PPP2R2B: variants seen among roughly 807,000 people sequenced by gnomAD.
PPP2R2B encodes serine/threonine-protein phosphatase 2A 55 kDa regulatory subunit B beta isoform.
A neutral mutation model predicts 46.0 loss-of-function variants in PPP2R2B; 5 were observed. The ratio of observed to expected loss-of-function variants is 0.11; its 90% CI spans 0.06 to 0.23. The LOEUF is 0.23. PPP2R2B is among the 10% of genes least tolerant of loss of function. PPP2R2B has a pLI of 1.00. For missense variants in PPP2R2B, 367 were observed against 575.0 expected, an observed-to-expected ratio of 0.64 and a Z score of 3.70; for synonymous variants, 215 against 206.7, an observed-to-expected ratio of 1.04 and a Z score of -0.34.
intron 2 of PPP2R2B, among the ~76,000 whole-genome samples, chr5:146,816,696 T>G (rs1188700355): frequency 6.6e-6 from 1 of 152,214 alleles, no homozygotes; most frequent in East Asian, 1.9e-4. Flanking sequence ...TTATTAAACA[T>G]GATTTCAGAA....
At chr5:146,703,609 C>T (rs1261774244) in intron 2 of PPP2R2B, among the ~76,000 whole-genome samples, 1 of 152,172 alleles carries the variant, frequency 6.6e-6, no homozygotes, top group Non-Finnish European at 1.5e-5. Context: ...GAAGATATTA[C>T]TCCAAGGGCA....
At chr5:146,824,243 C>T (rs1758436016) in intron 2 of PPP2R2B, among the ~76,000 whole-genome samples, 1 of 152,208 alleles carries the variant, frequency 6.6e-6, no homozygotes, top group African/African-American at 2.4e-5. Context: ...GAGTCAGTCT[C>T]ATCCTCCCAA....
intron 2 of PPP2R2B, among the ~76,000 whole-genome samples, chr5:146,756,898 A>G (rs991360744): frequency 6.6e-6 from 1 of 152,210 alleles, no homozygotes; most frequent in Non-Finnish European, 1.5e-5. Context: ...AGCTCCAAGG[A>G]TATGTCAAAT....
At chr5:146,878,989 A>C (rs996130710), upstream of PPP2R2B, 1 of 1,056,646 alleles carries the variant, frequency 9.5e-7, no homozygotes, top group Admixed American at 4.3e-5. This position sits in a 1 kb window ranked among gnomAD's most constrained non-coding sequence, Gnocchi z 4.5. Context: ...CTCTCGCGCC[A>C]CTCAGCTAAG....
chr5:146,994,894 G>C lies in PPP2R2B; in HGVS notation c.79+60771C>G, dbSNP rs374467389. On this transcript the variant is annotated intron_variant, in intron 1 of 8. Coordinates refer to the PPP2R2B transcript ENST00000336640. ...ATTATTTAATGGGAAAGACCAAAAA[G>C]TATATAGGCAATTACAATGCAGGGT... Among the ~76,000 whole-genome samples, 52 of 152,292 alleles carry C rather than the reference G, an allele frequency of 3.4e-4. 1 individual carries two copies. The highest frequency in any genetic ancestry group is 1.2e-3 in the African/African-American group (49 of 41,566).
intron 7 of PPP2R2B, among the ~76,000 whole-genome samples, chr5:146,631,876 C>A (rs1434175652): frequency 6.6e-6 from 1 of 152,112 alleles, no homozygotes; most frequent in Non-Finnish European, 1.5e-5. Context: ...GTGTCAGGGG[C>A]TGTGCAAGAG....
At chr5:146,819,682 G>C (rs1758142815) in intron 2 of PPP2R2B, among the ~76,000 whole-genome samples, 6 of 152,010 alleles carry the variant, frequency 3.9e-5, no homozygotes, top group Admixed American at 3.9e-4. Context: ...AGAAATTACA[G>C]AGATACCCTT....
At chr5:146,925,650 T>C (rs1014985673) in intron 1 of PPP2R2B, among the ~76,000 whole-genome samples, 1 of 152,206 alleles carries the variant, frequency 6.6e-6, no homozygotes, top group African/African-American at 2.4e-5. Context: ...TGGGTTTCTT[T>C]GAGCTTCTTG....
intron 1 of PPP2R2B, among the ~76,000 whole-genome samples, chr5:146,994,899 T>C (rs1753857569): frequency 1.3e-5 from 2 of 152,142 alleles, no homozygotes; most frequent in African/African-American, 4.8e-5. Flanking sequence ...AAAAAGTATA[T>C]AGGCAATTAC....
intron 2 of PPP2R2B, among the ~76,000 whole-genome samples, chr5:146,727,537 TG>T (rs1210286270): frequency 6.6e-6 from 1 of 152,050 alleles, no homozygotes; most frequent in African/African-American, 2.4e-5. Context: ...GAAGGTAGAA[TG>T]GGGGTGAGGG....
intron 2 of PPP2R2B, among the ~76,000 whole-genome samples, chr5:146,786,184 A>G (rs1755828276): frequency 6.6e-6 from 1 of 152,162 alleles, no homozygotes; most frequent in African/African-American, 2.4e-5. Flanking sequence ...ATAAAACTAT[A>G]ATAAATGGAA....
intron 1 of PPP2R2B, among the ~76,000 whole-genome samples, chr5:147,009,365 C>T (rs993865368): frequency 6.6e-6 from 1 of 152,034 alleles, no homozygotes; most frequent in Admixed American, 6.6e-5. Flanking sequence ...TGCCTATATA[C>T]TTCTGTAAGA....
chr5:146,699,281 G>T (rs922729544), intron 3 of PPP2R2B, among the ~76,000 whole-genome samples: 1 of 152,094 alleles, frequency 6.6e-6, no homozygotes, highest in Non-Finnish European at 1.5e-5. Flanking sequence ...TGTGCCTCCT[G>T]AGAATTCACT....
chr5:146,660,502 G>A (rs2151107215), intron 5 of PPP2R2B, among the ~76,000 whole-genome samples: 1 of 152,250 alleles, frequency 6.6e-6, no homozygotes, highest in South Asian at 2.1e-4. Context: ...GATCAATGGT[G>A]GATGGTGTTC....
At chr5:147,059,128 CA>C (rs1012917237), upstream of PPP2R2B, among the ~76,000 whole-genome samples, 3 of 152,236 alleles carry the variant, frequency 2.0e-5, no homozygotes, top group Admixed American at 2.0e-4. Context: ...GTGATGGCAA[CA>C]TAGGATATGA....
At chr5:146,882,413 G>A (rs1480668878), upstream of PPP2R2B, among the ~76,000 whole-genome samples, 4 of 151,746 alleles carry the variant, frequency 2.6e-5, no homozygotes, top group Admixed American at 1.3e-4. Context: ...ATTCTATATC[G>A]ACAGACTATA....
chr5:146,700,618 G>C (rs1779477719), intron 3 of PPP2R2B, among the ~76,000 whole-genome samples: 1 of 152,062 alleles, frequency 6.6e-6, no homozygotes, highest in Non-Finnish European at 1.5e-5. Flanking sequence ...TTTCTTCTCT[G>C]CTGTCCCAAG....
intron 1 of PPP2R2B, among the ~76,000 whole-genome samples, chr5:146,934,016 G>A (rs367550088): frequency 7.9e-5 from 12 of 151,950 alleles, no homozygotes; most frequent in East Asian, 5.8e-4. Flanking sequence ...TGAACTCATC[G>A]TTTTTTATGG....
At chr5:146,794,537 C>A (rs1756401431) in intron 2 of PPP2R2B, among the ~76,000 whole-genome samples, 1 of 152,174 alleles carries the variant, frequency 6.6e-6, no homozygotes, top group African/African-American at 2.4e-5. Flanking sequence ...GCTATGAATG[C>A]CCACTTCCTT....
Sources: gnomAD v4.1 joint callset for allele counts (sites outside exome capture counted in the v4.1 genomes callset) on GRCh38, gnomAD v4.1.1 for gene constraint, Gnocchi (gnomAD v3.1) non-coding constraint, MANE v1.5 for transcripts, NCBI Gene and HGNC (gene_info 2026-07-23, HGNC 2026-07-21) for gene names.